Variants in TEAD4 observed in about 807,000 individuals in gnomAD.
TEAD4 encodes transcriptional enhancer factor TEF-3.
Under a neutral mutation model 52.4 loss-of-function variants are expected in TEAD4, and 36 were observed. The observed-to-expected ratio is 0.69, with a 90% CI of 0.53 to 0.91. The LOEUF (loss-of-function observed/expected upper bound fraction) is 0.91. TEAD4 is among the 40% of genes least tolerant of loss of function. The pLI is 0.00. For synonymous variants in TEAD4, 220 were observed against 231.0 expected (o/e 0.95, Z 0.43); for missense variants, 508 against 583.9 (o/e 0.87, Z 1.34).
rs200444834 is a variant in TEAD4 at position 3,020,656 on chromosome 12, C to T, written c.606C>T (p.Pro202=). The change falls in exon 9 of 13, where the codon CCC becomes CCT. Residue 202 remains proline (P), a synonymous_variant. Transcript: ENST00000359864. ...CAGGGTTTGAGTCTCCTGCAGGGCCCGCCCCATCGCCCTCTGCGCCCCCGG... is the reference window on the plus strand; with the variant it reads ...CAGGGTTTGAGTCTCCTGCAGGGCCTGCCCCATCGCCCTCTGCGCCCCCGG... The T allele has an allele frequency of 1.2e-4, 187 of 1,593,992 alleles. No homozygotes were observed. Among genetic ancestry groups the T allele is most frequent in the Non-Finnish European group, 1.4e-4 (165 of 1,168,938 alleles).
intron 5 of TEAD4, among the ~76,000 whole-genome samples, chr12:3,014,502 G>A (rs1434697001): frequency 5.3e-5 from 8 of 152,214 alleles, no homozygotes. Flanking sequence ...ATTCTCAAAG[G>A]ATCTAGAACC....
At chr12:3,002,751 G>A (rs1165964312) in intron 3 of TEAD4, among the ~76,000 whole-genome samples, 12 of 152,186 alleles carry the variant, frequency 7.9e-5, no homozygotes, top group African/African-American at 2.7e-4. Flanking sequence ...AGTGTGGCGG[G>A]GGAGCATGAC....
chr12:3,014,398 C>T lies in TEAD4; in HGVS notation c.354+2166C>T, dbSNP rs189671201. Among the ~76,000 whole-genome samples the T allele has an allele frequency of 7.2e-5, 11 of 152,358 alleles. No homozygotes were observed. The East Asian group carries it at 1.9e-3, about 27-fold the overall frequency. On this transcript the variant is annotated intron_variant, in intron 5 of 12. Coordinates refer to ENST00000359864, the MANE Select transcript of TEAD4 (RefSeq NM_003213.4). ...GGACAGCCTTCAGTGGATGGCTGGA[C>T]AGACACCAAGGGGAGCCATAAACTC...
intron 3 of TEAD4, among the ~76,000 whole-genome samples, chr12:2,998,290 A>G (rs1321773888): frequency 6.6e-6 from 1 of 152,118 alleles, no homozygotes; most frequent in East Asian, 1.9e-4. Context: ...TGTTATAGGT[A>G]GATATTTCTG....
chr12:3,018,281 G>T (rs550851827), intron 6 of TEAD4, among the ~76,000 whole-genome samples: 5 of 152,230 alleles, frequency 3.3e-5, no homozygotes, highest in Non-Finnish European at 7.3e-5. Context: ...TCTGCACTGT[G>T]ACTCTGCAGG....
intron 6 of TEAD4, 59 bp downstream of exon 6, chr12:3,017,585 G>T (rs761970032): frequency 4.9e-5 from 75 of 1,545,164 alleles, no homozygotes; most frequent in Non-Finnish European, 6.2e-5. Context: ...CCTCCTCCCT[G>T]TTCAGAAGAG....
rs2098269038 is a variant in TEAD4, at chr12:3,021,991, A to G, written c.871A>G (p.Asn291Asp). The stretch of plus-strand genomic sequence containing the variant: ...GGATCTCTTCGAACGGGGACCCTCC[A>G]ATGCCTTTTTTCTTGTGAAGTTCTG... The change falls in exon 10 of 13, where the codon AAT (asparagine) becomes GAT (aspartate). Residue 291 changes from asparagine (N) to aspartate (D), a missense_variant. Asn to Asp is a conservative substitution (Grantham distance 23). Transcript: ENST00000359864. 6.2e-7 allele frequency: 1 copy of G among 1,614,186 alleles called. No homozygotes were observed. Among genetic ancestry groups the G allele is most frequent in the Non-Finnish European group, 8.5e-7 (1 of 1,180,014 alleles).
At chr12:3,019,371 A>G (rs1162587626) in intron 8 of TEAD4, among the ~76,000 whole-genome samples, 1 of 151,982 alleles carries the variant, frequency 6.6e-6, no homozygotes, top group Non-Finnish European at 1.5e-5. Context: ...AAGCCCCTTC[A>G]TGCCCCTCGG....
At chr12:3,020,895 C>T in intron 9 of TEAD4, 122 bp downstream of exon 9, 1 of 1,125,366 alleles carries the variant, frequency 8.9e-7, no homozygotes, top group Non-Finnish European at 1.2e-6. Flanking sequence ...CCTTTCCGAT[C>T]TTCCCTTCTG....
chr12:3,039,941 C>G (rs1161149113), intron 11 of TEAD4, among the ~76,000 whole-genome samples, 166 bp from the exon 12 acceptor site: 1 of 152,202 alleles, frequency 6.6e-6, no homozygotes, highest in African/African-American at 2.4e-5. Flanking sequence ...CCTGCCTTGG[C>G]CTCCCAAAGT....
chr12:2,981,582 C>T (rs943695497), intron 2 of TEAD4, among the ~76,000 whole-genome samples: 3 of 152,220 alleles, frequency 2.0e-5, no homozygotes, highest in African/African-American at 7.2e-5. Context: ...TCTGTCTAGT[C>T]TCCCATCCCC....
chr12:2,995,442 T>A (rs1022947655), intron 3 of TEAD4, among the ~76,000 whole-genome samples: 1 of 152,130 alleles, frequency 6.6e-6, no homozygotes, highest in Non-Finnish European at 1.5e-5. Context: ...AGTCCCAGCC[T>A]GTCATCTGGG....
At chr12:2,964,158 G>T (rs995594453) in intron 2 of TEAD4, among the ~76,000 whole-genome samples, 2 of 152,184 alleles carry the variant, frequency 1.3e-5, no homozygotes, top group Non-Finnish European at 2.9e-5. Context: ...GCTCCGTGCC[G>T]GTTCTGTGCT....
At chr12:3,009,779 C>T (rs2098258785) in intron 3 of TEAD4, among the ~76,000 whole-genome samples, 1 of 152,218 alleles carries the variant, frequency 6.6e-6, no homozygotes, top group African/African-American at 2.4e-5. Flanking sequence ...CCCCCCACTC[C>T]TTCCTCTGAC....
In TEAD4 at chr12:2,959,586, T is replaced by A. The variant is rs1400684316; in HGVS notation, c.-123+105T>A. The A allele has an allele frequency of 6.7e-6, 1 of 150,342 alleles. No individual in the cohort carries two copies. The highest frequency in any genetic ancestry group is 2.4e-5 in the African/African-American group (1 of 41,142). 9.3% of individuals were successfully genotyped at this position (150,342 alleles called of 1,614,324 possible). A position where few individuals can be genotyped will look rare whatever the true frequency, so the allele number is the denominator to read the frequency against. ...CGCCGCGTGCTCGGCTGCTCTTTTC[T>A]TTCCGCCGCCCGCGTTCCCGCCTTG... On this transcript the variant is annotated intron_variant, in intron 1 of 12. Coordinates refer to ENST00000359864, the MANE Select transcript of TEAD4 (RefSeq NM_003213.4). This position sits in a 1 kb window ranked among gnomAD's most constrained non-coding sequence, Gnocchi z 5.1.
At chr12:3,014,211 CTT>C (rs1311240398) in intron 5 of TEAD4, among the ~76,000 whole-genome samples, 1 of 152,224 alleles carries the variant, frequency 6.6e-6, no homozygotes, top group East Asian at 1.9e-4. Flanking sequence ...TGTTTCCCCT[CTT>C]TCGTCTGCCT....
chr12:3,012,742 T>TG lies in TEAD4; in HGVS notation c.354+516dup, dbSNP rs1321020387. 2.0e-5 allele frequency among the ~76,000 whole-genome samples: 3 copies of TG among 152,222 alleles called. No homozygotes were observed. The East Asian group carries it at 5.8e-4, about 29-fold the overall frequency. On this transcript the variant is annotated intron_variant, in intron 5 of 12. Transcript: ENST00000359864. ...GGCCTCTGCTGATAGGTGATGGCTC[T>TG]GGGGGGCCTGATGTTGCTGGCATTC...
rs758466603 is a variant in TEAD4, at chr12:3,040,557, C to T, written c.*79C>T. On this transcript the variant is annotated 3_prime_UTR_variant, in exon 13 of 13. Coordinates refer to ENST00000359864, the MANE Select transcript of TEAD4 (RefSeq NM_003213.4). ...GTGGGGAGGGGACCTGCAGGGGCAG[C>T]CCCCTGAAGTGCCAAGAGAGCTGAG... The T allele has an allele frequency of 1.0e-4, 131 of 1,299,910 alleles. 1 individual carries two copies. Among genetic ancestry groups the T allele is most frequent in the South Asian group, 1.1e-4 (9 of 79,482 alleles). 80.5% of individuals were successfully genotyped at this position (1,299,910 alleles called of 1,614,324 possible).
chr12:2,986,061 G>A (rs575167975), intron 2 of TEAD4, among the ~76,000 whole-genome samples: 2 of 152,046 alleles, frequency 1.3e-5, no homozygotes, highest in East Asian at 4.0e-4. Context: ...ATTCCAGCCT[G>A]GGGAACAAGA....
Sources: gnomAD v4.1 joint callset for allele counts (sites outside exome capture counted in the v4.1 genomes callset) on GRCh38, gnomAD v4.1.1 for gene constraint, Gnocchi (gnomAD v3.1) non-coding constraint, MANE v1.5 for transcripts, NCBI Gene and HGNC (gene_info 2026-07-23, HGNC 2026-07-21) for gene names.